Variants in DDX17 observed in about 807,000 individuals in gnomAD.
DDX17 encodes the protein probable ATP-dependent RNA helicase DDX17.
In DDX17, 10 loss-of-function variants were observed where a neutral mutation model predicts 80.8. The observed-to-expected ratio is 0.12, with a 90% CI of 0.08 to 0.21. The LOEUF (loss-of-function observed/expected upper bound fraction) is 0.21. Among genes scored for constraint, DDX17 ranks in the 10% least tolerant of loss-of-function variants. DDX17 has a pLI of 1.00. For missense variants in DDX17, 586 were observed against 957.4 expected, an observed-to-expected ratio of 0.61 and a Z score of 5.12; for synonymous variants, 339 against 336.2, an observed-to-expected ratio of 1.01 and a Z score of -0.09.
chr22:38,490,480 A>C (rs778436575), intron 11 of DDX17: 83 of 1,282,096 alleles, frequency 6.5e-5, no homozygotes, highest in Non-Finnish European at 8.3e-5. Context: ...TTTTAGTTTA[A>C]CAGTGTGTAG....
chr22:38,486,498 T>G, intron 12 of DDX17, 58 bp from the exon 13 acceptor site: 2 of 1,477,832 alleles, frequency 1.4e-6, no homozygotes, highest in Non-Finnish European at 1.8e-6. Context: ...AACATAACAA[T>G]GTAAAAATTC....
chr22:38,495,979 TAAAA>T (rs201173235), intron 5 of DDX17, 42 bp from the exon 6 acceptor site: 500 of 802,860 alleles, frequency 6.2e-4, no homozygotes, highest in East Asian at 1.5e-3. Context: ...ATCCAAGGTT[TAAAA>T]AAAAAAAAAA....
chr22:38,506,150 C>T lies in DDX17; in HGVS notation c.88G>A (p.Asp30Asn). Residue 30 changes from aspartate to asparagine, a missense_variant, in exon 1 of 13, where the codon GAC becomes AAC. Asp to Asn is a conservative substitution (Grantham distance 23). Transcript: ENST00000403230. ...GCGCTCTCTCGCTCCGACGCGCTGT[C>T]TCCCGTCGCAGACGCCACCGTCGCC... 1 of 1,586,074 alleles carries T rather than the reference C, an allele frequency of 6.3e-7. No homozygotes were observed. Among genetic ancestry groups the T allele is most frequent in the Non-Finnish European group, 8.6e-7 (1 of 1,167,768 alleles).
intron 10 of DDX17, 107 bp from the exon 11 acceptor site, chr22:38,492,222 T>C: frequency 1.2e-6 from 1 of 858,096 alleles, no homozygotes; most frequent in Non-Finnish European, 1.8e-6. Context: ...AATCCCAAGC[T>C]CTTGTAATGA....
intron 1 of DDX17, among the ~76,000 whole-genome samples, chr22:38,503,746 C>T (rs2089853373): frequency 6.6e-6 from 1 of 152,242 alleles, no homozygotes; most frequent in South Asian, 2.1e-4. Flanking sequence ...AACCATACTA[C>T]TTCAAATGTA....
At chr22:38,492,829 A>T (rs1445668797) in intron 10 of DDX17, among the ~76,000 whole-genome samples, 1 of 152,160 alleles carries the variant, frequency 6.6e-6, no homozygotes, top group Admixed American at 6.6e-5. Context: ...CCATTTCTCA[A>T]TGGCTTCCCT....
In DDX17 at chr22:38,486,404, T is replaced by C. The variant is rs983673841; in HGVS notation, c.1721A>G (p.Asn574Ser). ...ATCCTGATACATCAGATTGGGATTG[T>C]TGGCTGAAGAAGTGGTCCGGTAACG... The change falls in exon 13 of 13, where the codon AAC becomes AGC. Residue 574 changes from asparagine to serine, a missense_variant. Physicochemically the swap from Asn to Ser is conservative, Grantham distance 46. This residue lies in a region of DDX17 where 221 missense variants were observed against 261.4 expected (regional missense o/e 0.85). Transcript: ENST00000403230. 13 of 1,612,460 alleles carry C rather than the reference T, an allele frequency of 8.1e-6. No homozygotes were observed. The highest frequency in any genetic ancestry group is 1.7e-5 in the Admixed American group (1 of 59,690).
rs138440 is a variant in DDX17, at chr22:38,485,817, T to TAAA, written c.*115_*117dup. 2.2e-4 allele frequency: 225 copies of TAAA among 1,033,160 alleles called. No homozygotes were observed. Among genetic ancestry groups the TAAA allele is most frequent in the Non-Finnish European group, 2.3e-4 (184 of 783,350 alleles). The allele number at this position is 1,033,160 out of a possible 1,614,324, so 64.0% of individuals were successfully genotyped here. On this transcript the variant is annotated 3_prime_UTR_variant, in exon 13 of 13. Transcript: ENST00000403230. ...AATCACGATGGTTGGGGGGAAAAATTAAAAAAAAAAAAAGAAAAAAGGAAA... is the reference window on the plus strand; with the variant it reads ...AATCACGATGGTTGGGGGGAAAAATTAAAAAAAAAAAAAAAAGAAAAAAGGAAA...
At chr22:38,504,692 T>C (rs1325043431) in intron 1 of DDX17, among the ~76,000 whole-genome samples, 9 of 152,224 alleles carry the variant, frequency 5.9e-5, no homozygotes, top group Non-Finnish European at 1.0e-4. Flanking sequence ...CCAGCAGTTG[T>C]GGATCTGAAC....
intron 11 of DDX17, chr22:38,488,919 T>C (rs2089687952): frequency 1.0e-6 from 1 of 985,218 alleles, no homozygotes; most frequent in Non-Finnish European, 1.2e-6. Context: ...ACCTGGGAAA[T>C]TAAATTAATA....
Position 38,501,205 on chromosome 22 carries a change from C to CT in DDX17, c.362dup (p.Trp122ValfsTer5), listed in dbSNP as rs759023106. ...ACTTGGGGAGCTCACTCAAATCCCA[C>CT]TTTTTTTTACGCAAACGCTCCCCAG... On this transcript the variant is annotated frameshift_variant, in exon 2 of 13. Coordinates refer to ENST00000403230, the MANE Select transcript of DDX17 (RefSeq NM_006386.5). LOFTEE classifies it high-confidence loss of function. The CT allele has an allele frequency of 3.7e-6, 6 of 1,613,202 alleles. No individual in the cohort carries two copies. Among genetic ancestry groups the CT allele is most frequent in the Admixed American group, 1.7e-5 (1 of 59,840 alleles).
At chr22:38,505,714 G>A in intron 1 of DDX17, 1 of 515,796 alleles carries the variant, frequency 1.9e-6, no homozygotes, top group Non-Finnish European at 3.3e-6. Context: ...GGGCCGGGCC[G>A]CGCCACGACG....
chr22:38,494,531 C>G, intron 8 of DDX17, 99 bp downstream of exon 8: 1 of 1,099,060 alleles, frequency 9.1e-7, no homozygotes, highest in African/African-American at 1.6e-5. Flanking sequence ...TTAATGTTCT[C>G]AGGCCTCAAA....
Position 38,489,932 on chromosome 22 carries a change from G to A in DDX17, c.1448-1817C>T. On this transcript the variant is annotated intron_variant, in intron 11 of 12. Transcript: ENST00000403230. This position sits in a 1 kb window ranked among gnomAD's most constrained non-coding sequence, Gnocchi z 4.6. ...CCCACTGCATATGACCATGGCAGTA[G>A]AACAAGTTCAATTACTACACTGGAT... 1.0e-6 allele frequency: 1 copy of A among 997,702 alleles called. No homozygotes were observed. Among genetic ancestry groups the A allele is most frequent in the Non-Finnish European group, 1.2e-6 (1 of 836,936 alleles). The allele number at this position is 997,702 out of a possible 1,614,324, so 61.8% of individuals were successfully genotyped here.
rs188796397 is a variant in DDX17 at position 38,485,844 on chromosome 22, A to G, written c.*91T>C. Reference sequence around the variant, plus strand: ...AAAAAAAAAAAAGAAAAAAGGAAAAAAAAAGAAAAGGCGAAGAGGAAAAAA... The same window carrying G: ...AAAAAAAAAAAAGAAAAAAGGAAAAGAAAAGAAAAGGCGAAGAGGAAAAAA... On this transcript the variant is annotated 3_prime_UTR_variant, in exon 13 of 13. Transcript: ENST00000403230. 1.4e-6 allele frequency: 2 copies of G among 1,443,424 alleles called. No homozygotes were observed. The highest frequency in any genetic ancestry group is 2.5e-5 in the East Asian group (1 of 40,686). The allele number at this position is 1,443,424 out of a possible 1,614,324, so 89.4% of individuals were successfully genotyped here. A position where few individuals can be genotyped will look rare whatever the true frequency, so the allele number is the denominator to read the frequency against.
At position 38,485,932 on chromosome 22, in the gene DDX17, GT is replaced by G; in HGVS notation, c.*2del. On this transcript the variant is annotated 3_prime_UTR_variant, in exon 13 of 13. Coordinates refer to ENST00000403230, the MANE Select transcript of DDX17 (RefSeq NM_006386.5). ...TGCTGGAGTCACTACCACTTGAGTG[GT>G]TTCATTTACGTGAAGGAGGAGGAGG... The G allele has an allele frequency of 1.9e-6, 3 of 1,613,646 alleles. No individual in the cohort carries two copies. The highest frequency in any genetic ancestry group is 2.5e-6 in the Non-Finnish European group (3 of 1,179,898).
chr22:38,501,209 T>G lies in DDX17; in HGVS notation c.359A>C (p.Lys120Thr). 1 of 1,613,932 alleles carries G rather than the reference T, an allele frequency of 6.2e-7. No individual in the cohort carries two copies. Among genetic ancestry groups the G allele is most frequent in the Non-Finnish European group, 8.5e-7 (1 of 1,179,970 alleles). ...GGGGAGCTCACTCAAATCCCACTTT[T>G]TTTTACGCAAACGCTCCCCAGGATT... is the stretch of plus-strand genomic sequence containing the variant. The change falls in exon 2 of 13, where the codon AAA becomes ACA. Residue 120 changes from lysine to threonine, a missense_variant. Physicochemically the swap from Lys to Thr is moderately conservative, Grantham distance 78. This residue lies in a region of DDX17 where 215 missense variants were observed against 238.4 expected (regional missense o/e 0.90). Transcript: ENST00000403230.
intron 2 of DDX17, among the ~76,000 whole-genome samples, chr22:38,500,159 G>A (rs879096288): frequency 7.9e-6 from 1 of 126,478 alleles, no homozygotes; most frequent in African/African-American, 3.0e-5. Context: ...CTAGGGGACA[G>A]AGTGAGACTT....
At chr22:38,505,236 C>G (rs1379367427) in intron 1 of DDX17, 1 of 152,104 alleles carries the variant, frequency 6.6e-6, no homozygotes, top group Non-Finnish European at 1.5e-5. Context: ...TCTAGCGAGG[C>G]AGAATAGTTG....
Sources: allele counts gnomAD v4.1 joint callset (sites outside exome capture counted in the v4.1 genomes callset), GRCh38; gene constraint gnomAD v4.1.1; regional missense constraint gnomAD v4.1.1; non-coding constraint Gnocchi (gnomAD v3.1); transcripts MANE v1.5; gene names NCBI Gene and HGNC (gene_info 2026-07-23, HGNC 2026-07-21).